Variants in PRDM16 observed in about 807,000 individuals in gnomAD.
The protein encoded by PRDM16 is PR/SET domain 16, also known as histone-lysine N-methyltransferase PRDM16.
In PRDM16, 23 loss-of-function variants were observed where a neutral mutation model predicts 110.6. The observed-to-expected ratio is 0.21, with a 90% confidence interval of 0.15 to 0.29. The LOEUF (loss-of-function observed/expected upper bound fraction) is 0.29. Ranked by LOEUF, PRDM16 falls within the 10% of genes least tolerant of loss-of-function variation. PRDM16 has a pLI of 1.00. For synonymous variants in PRDM16, 799 were observed against 781.8 expected, an observed-to-expected ratio of 1.02 and a Z score of -0.37; for missense variants, 1,615 against 1,794.3, an observed-to-expected ratio of 0.90 and a Z score of 1.81.
At chr1:3,346,605 A>G (rs1557624010) in intron 3 of PRDM16, among the ~76,000 whole-genome samples, 1 of 150,024 alleles carries the variant, frequency 6.7e-6, no homozygotes, top group Non-Finnish European at 1.5e-5. Context: ...CACCCCCTCC[A>G]CCTGCGAGCC....
chr1:3,412,066 G>A lies in PRDM16; in HGVS notation c.1869G>A (p.Ser623=), dbSNP rs778188314. ...TGGACACGACCACGGGGACGGGCTC[G>A]GACCTGGACAGCGACGTGGACAGCG... is the stretch of plus-strand genomic sequence containing the variant. ...TDLDTTTGTG[S]DLDSDVDSDP... Residue 623 remains serine, a synonymous_variant, in exon 9 of 17, where the codon TCG becomes TCA. Transcript: ENST00000270722. 45 of 1,604,816 alleles carry A rather than the reference G, an allele frequency of 2.8e-5. No homozygotes were observed. Among genetic ancestry groups the A allele is most frequent in the South Asian group, 6.6e-5 (6 of 90,484 alleles).
chr1:3,408,945 T>G (rs1643615952), intron 8 of PRDM16, among the ~76,000 whole-genome samples: 2 of 111,206 alleles, frequency 1.8e-5, no homozygotes, highest in African/African-American at 7.5e-5. Context: ...CGCATGAGAG[T>G]GAGGGGCGTG....
chr1:3,227,585 CA>C (rs1284835525), intron 2 of PRDM16, among the ~76,000 whole-genome samples: 1 of 152,208 alleles, frequency 6.6e-6, no homozygotes, highest in East Asian at 1.9e-4. Flanking sequence ...CAGCCAGTGC[CA>C]AAAGGGAATC....
chr1:3,099,423 C>T (rs973272636), intron 1 of PRDM16, among the ~76,000 whole-genome samples: 2 of 152,258 alleles, frequency 1.3e-5, no homozygotes, highest in African/African-American at 2.4e-5. Context: ...ACGGAGGCCC[C>T]GGAGCCCCGG....
chr1:3,275,530 C>G (rs981076002), intron 3 of PRDM16, among the ~76,000 whole-genome samples: 13 of 152,002 alleles, frequency 8.6e-5, no homozygotes, highest in Non-Finnish European at 2.9e-5. Flanking sequence ...CGGCATGCCC[C>G]GAGGTGGGGG....
At chr1:3,181,317 C>T (rs1405471206) in intron 1 of PRDM16, among the ~76,000 whole-genome samples, 3 of 139,892 alleles carry the variant, frequency 2.1e-5, no homozygotes, top group African/African-American at 2.7e-5. Flanking sequence ...CGGTCTTACA[C>T]ACGCAATCTT....
intron 3 of PRDM16, among the ~76,000 whole-genome samples, chr1:3,345,422 A>T (rs910858081): frequency 6.6e-6 from 1 of 152,176 alleles, no homozygotes; most frequent in Admixed American, 6.5e-5. Flanking sequence ...GCCAACAGCC[A>T]CACGCACCTC....
intron 3 of PRDM16, among the ~76,000 whole-genome samples, chr1:3,295,234 C>G (rs984948537): frequency 3.3e-5 from 5 of 152,212 alleles, no homozygotes; most frequent in Non-Finnish European, 1.5e-5. Context: ...GGAAAGGCAT[C>G]AGGTGGCGGG....
intron 1 of PRDM16, among the ~76,000 whole-genome samples, chr1:3,114,129 T>C (rs999685361): frequency 4.6e-5 from 7 of 152,260 alleles, no homozygotes; most frequent in Admixed American, 6.5e-5. Flanking sequence ...GACAGCGGCG[T>C]GTATCTCTGC....
chr1:3,092,943 G>A (rs1288294922), intron 1 of PRDM16, among the ~76,000 whole-genome samples: 1 of 152,110 alleles, frequency 6.6e-6, no homozygotes, highest in Non-Finnish European at 1.5e-5. Flanking sequence ...GCTACCTCGG[G>A]CCCCTGGGTC....
At chr1:3,365,701 C>T (rs187022526) in intron 3 of PRDM16, among the ~76,000 whole-genome samples, 78 of 152,348 alleles carry the variant, frequency 5.1e-4, no homozygotes, top group Non-Finnish European at 9.1e-4. Context: ...TCATAAATCC[C>T]GCCTAAGTGG....
At chr1:3,091,111 G>A (rs34300623) in intron 1 of PRDM16, among the ~76,000 whole-genome samples, 13,228 of 152,262 alleles carry the variant, frequency 0.087, 734 homozygotes, top group Non-Finnish European at 0.13. Flanking sequence ...GCCATGAAGA[G>A]ACACAAATGG....
intron 1 of PRDM16, among the ~76,000 whole-genome samples, chr1:3,086,385 G>A (rs1642152148): frequency 6.6e-6 from 1 of 152,172 alleles, no homozygotes; most frequent in Non-Finnish European, 1.5e-5. Context: ...GATGGGCTCT[G>A]AGTTTCTTGG....
In PRDM16 at chr1:3,107,420, G is replaced by A. The variant is rs557818754; in HGVS notation, c.37+38124G>A. On this transcript the variant is annotated intron_variant, in intron 1 of 16. Transcript: ENST00000270722. ...AGCTTAGGGAGGGATTACCGGGCTC[G>A]GGATTTGGAAGCCAGCAGTTCCTTG... 1.2e-4 allele frequency among the ~76,000 whole-genome samples: 18 copies of A among 152,260 alleles called. No homozygotes were observed. The East Asian group carries it at 1.9e-3, about 16-fold the overall frequency.
chr1:3,339,569 A>T lies in PRDM16; in HGVS notation c.439-45583A>T, dbSNP rs1251698049. ...CGATTCAGGCAGTGAGGTGGGAAGGAGCGTGGGAGGAGGCTGCGGAGCGAC... is the reference window on the plus strand; with the variant it reads ...CGATTCAGGCAGTGAGGTGGGAAGGTGCGTGGGAGGAGGCTGCGGAGCGAC... On this transcript the variant is annotated intron_variant, in intron 3 of 16. Coordinates refer to ENST00000270722, the MANE Select transcript of PRDM16 (RefSeq NM_022114.4). This position sits in a 1 kb window ranked among gnomAD's most constrained non-coding sequence, Gnocchi z 5.0. Among the ~76,000 whole-genome samples the T allele has an allele frequency of 6.6e-6, 1 of 151,742 alleles. No homozygotes were observed. Among genetic ancestry groups the T allele is most frequent in the Non-Finnish European group, 1.5e-5 (1 of 67,968 alleles).
rs76864961 is a variant in PRDM16, at chr1:3,358,319, C to T, written c.439-26833C>T. On this transcript the variant is annotated intron_variant, in intron 3 of 16. Transcript: ENST00000270722. The surrounding 1 kb of genome is among the most constrained non-coding windows in gnomAD (Gnocchi z 4.0). Reference sequence around the variant, plus strand: ...TAGTTACGCAGGTCCTGAACTGGGTCTTCTCTGGATGCGAGACCTTCCCCC... The same window carrying T: ...TAGTTACGCAGGTCCTGAACTGGGTTTTCTCTGGATGCGAGACCTTCCCCC... Among the ~76,000 whole-genome samples the T allele has an allele frequency of 6.7e-3, 1,024 of 152,326 alleles. 18 individuals carry two copies. The highest frequency in any genetic ancestry group is 0.06 in the South Asian group (290 of 4,824).
intron 3 of PRDM16, among the ~76,000 whole-genome samples, chr1:3,321,574 G>A (rs1331513846): frequency 6.6e-6 from 1 of 151,476 alleles, no homozygotes; most frequent in Admixed American, 6.6e-5. Context: ...GTGTGTGAGA[G>A]TGTTTGGAGG....
intron 3 of PRDM16, among the ~76,000 whole-genome samples, chr1:3,337,138 CAT>C (rs752399289): frequency 2.0e-5 from 3 of 149,902 alleles, no homozygotes; most frequent in Non-Finnish European, 4.4e-5. Context: ...CATGCATGCA[CAT>C]ATGTGTTGGT....
rs183138722 is a variant in PRDM16 at position 3,201,356 on chromosome 1, C to T, written c.387+14882C>T. Among the ~76,000 whole-genome samples, 6 of 152,280 alleles carry T rather than the reference C, an allele frequency of 3.9e-5. No homozygotes were observed. In the East Asian group the frequency reaches 5.8e-4, roughly 15 times the overall value. The stretch of plus-strand genomic sequence containing the variant: ...CACAGAGATGAACAAGATGCAGCCT[C>T]GGCGCTCAGAGGCGGGTGTCCAGTC... On this transcript the variant is annotated intron_variant, in intron 2 of 16. Coordinates refer to ENST00000270722, the MANE Select transcript of PRDM16 (RefSeq NM_022114.4). This position sits in a 1 kb window ranked among gnomAD's most constrained non-coding sequence, Gnocchi z 4.1.
Sources: gnomAD v4.1 joint callset for allele counts (sites outside exome capture counted in the v4.1 genomes callset) on GRCh38, gnomAD v4.1.1 for gene constraint, Gnocchi (gnomAD v3.1) non-coding constraint, MANE v1.5 for transcripts, NCBI Gene and HGNC (gene_info 2026-07-23, HGNC 2026-07-21) for gene names.